SLC2A13: variants seen among roughly 807,000 people sequenced by gnomAD.
SLC2A13 encodes the protein solute carrier family 2 member 13.
Under a neutral mutation model 64.4 loss-of-function variants are expected in SLC2A13, and 32 were observed. The observed-to-expected ratio is 0.50, with a 90% CI of 0.37 to 0.67. The LOEUF (loss-of-function observed/expected upper bound fraction) is 0.67, where lower values mean the gene tolerates loss of function less well. SLC2A13 is among the 30% of genes least tolerant of loss of function. The pLI is 0.00. For synonymous variants in SLC2A13, 338 were observed against 327.1 expected, an observed-to-expected ratio of 1.03 and a Z score of -0.36; for missense variants, 743 against 829.2, an observed-to-expected ratio of 0.90 and a Z score of 1.28.
At chr12:40,055,518 A>G (rs1948320703) in intron 1 of SLC2A13, among the ~76,000 whole-genome samples, 1 of 152,234 alleles carries the variant, frequency 6.6e-6, no homozygotes, top group Non-Finnish European at 1.5e-5. Flanking sequence ...CAGATTTCAC[A>G]TATCTTCTGT....
intron 7 of SLC2A13, among the ~76,000 whole-genome samples, chr12:39,815,260 A>G (rs1423665106): frequency 1.3e-5 from 2 of 152,230 alleles, no homozygotes; most frequent in East Asian, 1.9e-4. Context: ...TCAAAAATAG[A>G]AAAAGAGAAA....
In SLC2A13 at chr12:39,895,760, G is replaced by GCA. The variant is rs1565526317; in HGVS notation, c.1035-23800_1035-23799insTG. The stretch of plus-strand genomic sequence containing the variant: ...TACACACATGTATATGCGTGTATAC[G>GCA]TACACACATGTATATGCGTGTATAC... On this transcript the variant is annotated intron_variant, in intron 4 of 9. Transcript: ENST00000280871. Among the ~76,000 whole-genome samples, 20 of 36,092 alleles carry GCA rather than the reference G, an allele frequency of 5.5e-4. 4 individuals carry two copies. The highest frequency in any genetic ancestry group is 1.8e-3 in the African/African-American group (20 of 11,414). 23.7% of individuals were successfully genotyped at this position (36,092 alleles called of 152,430 possible).
chr12:39,923,696 G>GCACA (rs368849811), intron 4 of SLC2A13, among the ~76,000 whole-genome samples: 3 of 146,992 alleles, frequency 2.0e-5, no homozygotes, highest in Admixed American at 6.8e-5. Context: ...ATGCGCACGC[G>GCACA]CACACACACA....
chr12:39,928,025 C>A (rs534658455), intron 4 of SLC2A13, among the ~76,000 whole-genome samples: 7 of 151,996 alleles, frequency 4.6e-5, no homozygotes, highest in South Asian at 2.1e-4. Context: ...TTGCAGGAAA[C>A]GAATTACATT....
At chr12:39,865,330 A>G (rs1309182849) in intron 5 of SLC2A13, among the ~76,000 whole-genome samples, 1 of 152,248 alleles carries the variant, frequency 6.6e-6, no homozygotes, top group Non-Finnish European at 1.5e-5. Context: ...TAAGACTTAA[A>G]TTGGTAAACC....
At chr12:40,028,562 T>C in intron 2 of SLC2A13, 53 bp from the exon 3 acceptor site, 1 of 1,554,092 alleles carries the variant, frequency 6.4e-7, no homozygotes, top group South Asian at 1.1e-5. Context: ...TACCATCATG[T>C]GCTCACCACA....
chr12:39,892,092 G>A (rs1165888830), intron 4 of SLC2A13, among the ~76,000 whole-genome samples: 6 of 152,150 alleles, frequency 3.9e-5, no homozygotes, highest in Admixed American at 2.6e-4. Flanking sequence ...TTACCAAAAA[G>A]CATTCATTCT....
At chr12:40,027,285 T>C (rs1040638851) in intron 3 of SLC2A13, among the ~76,000 whole-genome samples, 3 of 152,212 alleles carry the variant, frequency 2.0e-5, no homozygotes, top group African/African-American at 7.2e-5. Flanking sequence ...ATGCTGACAT[T>C]GCTGGACACC....
In SLC2A13 at chr12:39,781,376, C is replaced by T. The variant is rs139671187; in HGVS notation, c.1446-16518G>A. 6.4e-3 allele frequency among the ~76,000 whole-genome samples: 475 copies of T among 74,050 alleles called. 6 individuals carry two copies. Among genetic ancestry groups the T allele is most frequent in the African/African-American group, 0.026 (465 of 17,560 alleles). 48.6% of individuals were successfully genotyped at this position (74,050 alleles called of 152,430 possible). ...GCCCAGCTTCCCACTGAGGGAGCCC[C>T]GCACAGTCTGGCCTGCCCCCTCCAG... On this transcript the variant is annotated intron_variant, in intron 7 of 9. Transcript: ENST00000280871.
intron 3 of SLC2A13, among the ~76,000 whole-genome samples, chr12:39,984,386 A>G (rs190915079): frequency 6.6e-6 from 1 of 152,314 alleles, no homozygotes; most frequent in East Asian, 1.9e-4. Context: ...GCAATCTTCT[A>G]TAAACAAAGA....
At position 39,993,082 on chromosome 12, in the gene SLC2A13, G is replaced by A. The variant is rs1179374219; in HGVS notation, c.925+35219C>T. On this transcript the variant is annotated intron_variant, in intron 3 of 9. Coordinates refer to ENST00000280871, the MANE Select transcript of SLC2A13 (RefSeq NM_052885.4). ...TTTTAAGGAAAACAAAACTGAAGAT[G>A]CATCTTATTTTACAATTCTAAAGTA... 4.4e-4 allele frequency among the ~76,000 whole-genome samples: 67 copies of A among 152,104 alleles called. 1 individual carries two copies.
At chr12:39,976,360 A>T (rs539008301) in intron 3 of SLC2A13, among the ~76,000 whole-genome samples, 1 of 152,360 alleles carries the variant, frequency 6.6e-6, no homozygotes, top group South Asian at 2.1e-4. Context: ...CGTGGCACTT[A>T]CCAAAGTAGA....
At chr12:40,024,419 T>C (rs529122527) in intron 3 of SLC2A13, among the ~76,000 whole-genome samples, 6 of 152,332 alleles carry the variant, frequency 3.9e-5, no homozygotes, top group Non-Finnish European at 8.8e-5. Context: ...AAACAGAATT[T>C]TGCATTTGCT....
chr12:39,980,766 G>A (rs1193980789), intron 3 of SLC2A13, among the ~76,000 whole-genome samples: 3 of 152,014 alleles, frequency 2.0e-5, no homozygotes, highest in East Asian at 1.9e-4. Context: ...ACAGATCAAC[G>A]AGACAGAAAG....
intron 3 of SLC2A13, among the ~76,000 whole-genome samples, chr12:39,984,571 T>G (rs1408329361): frequency 1.3e-5 from 2 of 152,158 alleles, no homozygotes; most frequent in Non-Finnish European, 2.9e-5. Context: ...CAATTAATTA[T>G]GAAGGTTTAA....
At chr12:39,888,463 A>G (rs1429975034) in intron 4 of SLC2A13, among the ~76,000 whole-genome samples, 2 of 152,274 alleles carry the variant, frequency 1.3e-5, no homozygotes, top group Middle Eastern at 3.4e-3. Context: ...GACCTCAGGT[A>G]ATCCACCGTC....
chr12:39,805,564 AT>A lies in SLC2A13; in HGVS notation c.1445+24538del, dbSNP rs200503106. On this transcript the variant is annotated intron_variant, in intron 7 of 9. Transcript: ENST00000280871. ...TATTCCCATAGGCCTGAAACAGTGT[AT>A]TTAAAAACTGATCTATTATATTTAA... Among the ~76,000 whole-genome samples, 1,462 of 151,712 alleles carry A rather than the reference AT, an allele frequency of 9.6e-3. 16 individuals are homozygous for A. Among genetic ancestry groups the A allele is most frequent in the Non-Finnish European group, 0.016 (1,074 of 67,938 alleles).
At chr12:40,095,813 C>T (rs910292410) in intron 1 of SLC2A13, among the ~76,000 whole-genome samples, 3 of 152,128 alleles carry the variant, frequency 2.0e-5, no homozygotes, top group African/African-American at 7.2e-5. Context: ...TTAAACATGT[C>T]AGCTTTTTAT....
At chr12:39,910,422 T>G (rs894208808) in intron 4 of SLC2A13, among the ~76,000 whole-genome samples, 1 of 152,132 alleles carries the variant, frequency 6.6e-6, no homozygotes, top group African/African-American at 2.4e-5. Context: ...ATTGTCAAGC[T>G]GCCTATGTGT....
Sources: allele counts gnomAD v4.1 joint callset (sites outside exome capture counted in the v4.1 genomes callset), GRCh38; gene constraint gnomAD v4.1.1; transcripts MANE v1.5; gene names NCBI Gene and HGNC (gene_info 2026-07-23, HGNC 2026-07-21).